Variants in CASP4 observed in about 807,000 individuals in gnomAD.
The protein encoded by CASP4 is caspase-4.
A neutral mutation model predicts 41.3 loss-of-function variants in CASP4; 29 were observed. The observed-to-expected ratio is 0.70, with a 90% confidence interval of 0.52 to 0.96. CASP4 has a LOEUF of 0.96. Ranked by LOEUF, CASP4 falls within the 40% of genes least tolerant of loss-of-function variation. The probability of loss-of-function intolerance (pLI) is 0.00; values close to 1 mark genes in which losing one functional copy is unlikely to be tolerated. For synonymous variants in CASP4, 185 were observed against 158.4 expected (o/e 1.17, Z -1.26); for missense variants, 447 against 460.6 (o/e 0.97, Z 0.27).
intron 2 of CASP4, among the ~76,000 whole-genome samples, chr11:104,952,321 C>A (rs924879070): frequency 1.3e-5 from 2 of 152,064 alleles, no homozygotes; most frequent in African/African-American, 4.8e-5. Context: ...CCAGGATACT[C>A]ATTTATCTGT....
At chr11:104,959,387 A>C (rs948460471) in intron 1 of CASP4, among the ~76,000 whole-genome samples, 2 of 152,214 alleles carry the variant, frequency 1.3e-5, no homozygotes, top group African/African-American at 4.8e-5. Flanking sequence ...GACTCTAAAC[A>C]GGTTAAACTC....
intron 2 of CASP4, among the ~76,000 whole-genome samples, chr11:104,953,257 C>T (rs1425982744): frequency 2.6e-4 from 39 of 152,062 alleles, no homozygotes; most frequent in Admixed American, 2.6e-3. Context: ...TCTGGAGACT[C>T]CAACTGCAGA....
intron 4 of CASP4, among the ~76,000 whole-genome samples, chr11:104,950,627 T>A (rs1860583865): frequency 6.6e-6 from 1 of 152,108 alleles, no homozygotes; most frequent in Non-Finnish European, 1.5e-5. Context: ...CATTCATTAC[T>A]CTACAATTTT....
intron 1 of CASP4, among the ~76,000 whole-genome samples, chr11:104,963,150 C>A (rs1393374781): frequency 6.6e-6 from 1 of 152,204 alleles, no homozygotes; most frequent in Admixed American, 6.5e-5. Context: ...AGTGAATAAA[C>A]AAGTTATGGA....
At chr11:104,965,398 G>A in intron 1 of CASP4, among the ~76,000 whole-genome samples, 1 of 152,206 alleles carries the variant, frequency 6.6e-6, no homozygotes, top group East Asian at 1.9e-4. Flanking sequence ...TCTCCTGTCA[G>A]CAGGAAGAAG....
intron 1 of CASP4, among the ~76,000 whole-genome samples, chr11:104,960,089 G>A (rs999884746): frequency 3.3e-5 from 5 of 152,072 alleles, no homozygotes; most frequent in Admixed American, 6.6e-5. Flanking sequence ...CATTCAAAAC[G>A]TTCTGCCTTC....
chr11:104,953,869 C>T (rs1042294609), intron 2 of CASP4, among the ~76,000 whole-genome samples: 1 of 152,166 alleles, frequency 6.6e-6, no homozygotes, highest in East Asian at 1.9e-4. Flanking sequence ...AAATTTTAGA[C>T]ATTTTATGGA....
intron 7 of CASP4, among the ~76,000 whole-genome samples, chr11:104,945,454 C>T (rs1380976458): frequency 6.6e-6 from 1 of 152,024 alleles, no homozygotes; most frequent in Non-Finnish European, 1.5e-5. Flanking sequence ...GACGTGGTTT[C>T]ACTATGTTGT....
rs1860979431 is a variant in CASP4, at chr11:104,966,523, G to C, written c.7+1996C>G. ...ATAAGCAAAGTGTGTCTCAGGTACA[G>C]CTGTCCAGAGAAGGGAGGGCTTGGC... is the stretch of plus-strand genomic sequence containing the variant. On this transcript the variant is annotated intron_variant, in intron 1 of 8. Coordinates refer to ENST00000444739, the MANE Select transcript of CASP4 (RefSeq NM_001225.4). Among the ~76,000 whole-genome samples, 3 of 152,210 alleles carry C rather than the reference G, an allele frequency of 2.0e-5. No homozygotes were observed. The South Asian group carries it at 6.2e-4, about 32-fold the overall frequency.
intron 4 of CASP4, 102 bp downstream of exon 4, chr11:104,950,823 C>CACACA: frequency 2.8e-6 from 3 of 1,056,816 alleles, no homozygotes; most frequent in Non-Finnish European, 2.8e-6. Context: ...CACACACACA[C>CACACA]CCAAAGGTTG....
intron 8 of CASP4, chr11:104,943,767 C>G (rs939551189): frequency 6.6e-6 from 1 of 152,178 alleles, no homozygotes; most frequent in Non-Finnish European, 1.5e-5. Flanking sequence ...TGCAGCCCCA[C>G]TGGATGGATT....
intron 1 of CASP4, 84 bp downstream of exon 1, chr11:104,968,435 T>G: frequency 7.8e-7 from 1 of 1,276,592 alleles, no homozygotes; most frequent in Non-Finnish European, 1.1e-6. Flanking sequence ...TCGGCTCACT[T>G]CCTTTCTTGT....
intron 1 of CASP4, among the ~76,000 whole-genome samples, chr11:104,967,762 A>G (rs1861008394): frequency 1.3e-5 from 2 of 152,202 alleles, no homozygotes; most frequent in Non-Finnish European, 2.9e-5. Context: ...TATAAGGTTT[A>G]GAATTCACTG....
chr11:104,950,550 G>A (rs1860582164), intron 4 of CASP4, among the ~76,000 whole-genome samples: 1 of 151,880 alleles, frequency 6.6e-6, no homozygotes, highest in South Asian at 2.1e-4. Flanking sequence ...TATTCCCAAC[G>A]TTAGGAATAG....
chr11:104,965,546 C>T (rs1565370636), intron 1 of CASP4, among the ~76,000 whole-genome samples: 1 of 152,192 alleles, frequency 6.6e-6, no homozygotes, highest in South Asian at 2.1e-4. Context: ...AGAAATAAGA[C>T]CTAACCAACT....
chr11:104,965,551 C>T (rs1860954583), intron 1 of CASP4, among the ~76,000 whole-genome samples: 1 of 152,326 alleles, frequency 6.6e-6, no homozygotes, highest in East Asian at 1.9e-4. Context: ...TAAGACCTAA[C>T]CAACTCTATC....
chr11:104,954,662 G>A (rs1860691381), intron 2 of CASP4, 85 bp downstream of exon 2: 3 of 1,190,046 alleles, frequency 2.5e-6, no homozygotes, highest in Non-Finnish European at 2.4e-6. Context: ...AAAGATAGGG[G>A]AATCACAGAA....
intron 1 of CASP4, among the ~76,000 whole-genome samples, chr11:104,963,573 T>G (rs1469602819): frequency 6.6e-6 from 1 of 152,212 alleles, no homozygotes; most frequent in Non-Finnish European, 1.5e-5. Context: ...AAATATACTT[T>G]AAGGGATGGC....
At chr11:104,945,495 A>T (rs1349797505) in intron 7 of CASP4, among the ~76,000 whole-genome samples, 2 of 152,000 alleles carry the variant, frequency 1.3e-5, no homozygotes, top group African/African-American at 4.8e-5. Context: ...TGACCTCATG[A>T]TCCTCCTGCC....
Sources: allele counts gnomAD v4.1 joint callset (sites outside exome capture counted in the v4.1 genomes callset), GRCh38; gene constraint gnomAD v4.1.1; transcripts MANE v1.5; gene names NCBI Gene and HGNC (gene_info 2026-07-23, HGNC 2026-07-21).